The following GRID1 variants were observed in gnomAD, a reference collection of about 807,000 sequenced individuals.
GRID1 encodes the protein glutamate receptor ionotropic, delta-1.
GRID1 carries 28 observed loss-of-function variants against 98.0 expected under a neutral mutation model. That is an observed-to-expected ratio of 0.29 (90% CI 0.21 to 0.39). The LOEUF is 0.39. Among genes scored for constraint, GRID1 ranks in the 10% least tolerant of loss-of-function variants. The probability of loss-of-function intolerance (pLI) is 1.00; values close to 1 mark genes in which losing one functional copy is unlikely to be tolerated. For synonymous variants in GRID1, 553 were observed against 538.5 expected, an observed-to-expected ratio of 1.03 and a Z score of -0.37; for missense variants, 1,111 against 1,340.5, an observed-to-expected ratio of 0.83 and a Z score of 2.67.
At chr10:86,181,103 G>A (rs1180402205) in intron 3 of GRID1, among the ~76,000 whole-genome samples, 1 of 152,180 alleles carries the variant, frequency 6.6e-6, no homozygotes, top group Non-Finnish European at 1.5e-5. Context: ...AACCATGCAG[G>A]TGTGCAGAGC....
At chr10:85,693,673 A>T (rs1243477417) in intron 12 of GRID1, among the ~76,000 whole-genome samples, 2 of 152,182 alleles carry the variant, frequency 1.3e-5, no homozygotes, top group Non-Finnish European at 2.9e-5. Context: ...CAACAAAAAC[A>T]TGCACTGGGG....
At chr10:85,810,478 T>G (rs529267582) in intron 8 of GRID1, among the ~76,000 whole-genome samples, 2 of 152,246 alleles carry the variant, frequency 1.3e-5, no homozygotes, top group African/African-American at 4.8e-5. Flanking sequence ...TGGCCAGAGT[T>G]GGAGAAACAG....
At chr10:86,167,026 CA>C (rs1845408779) in intron 3 of GRID1, among the ~76,000 whole-genome samples, 1 of 152,238 alleles carries the variant, frequency 6.6e-6, no homozygotes, top group African/African-American at 2.4e-5. Flanking sequence ...GAGCACCCCC[CA>C]CCCAGCCCAG....
chr10:85,810,134 A>G (rs1842657776), intron 8 of GRID1, among the ~76,000 whole-genome samples: 1 of 140,124 alleles, frequency 7.1e-6, no homozygotes, highest in Admixed American at 7.1e-5. Flanking sequence ...TTCCACCCAC[A>G]TGGGTGGCTG....
intron 2 of GRID1, among the ~76,000 whole-genome samples, chr10:86,265,142 C>T (rs1424660080): frequency 6.6e-6 from 1 of 152,006 alleles, no homozygotes; most frequent in East Asian, 1.9e-4. Context: ...GAGTGGCCCA[C>T]CCTGCCCGGC....
At chr10:86,085,576 C>A (rs902397278) in intron 4 of GRID1, among the ~76,000 whole-genome samples, 2 of 152,148 alleles carry the variant, frequency 1.3e-5, no homozygotes, top group Non-Finnish European at 2.9e-5. Flanking sequence ...TCCTGCCTGA[C>A]CCCTAGGAAC....
At chr10:86,348,501 G>A (rs188298559) in intron 2 of GRID1, among the ~76,000 whole-genome samples, 31 of 152,352 alleles carry the variant, frequency 2.0e-4, no homozygotes, top group Admixed American at 6.5e-4. Flanking sequence ...AGACCACGAG[G>A]ACTTGAATGC....
intron 4 of GRID1, among the ~76,000 whole-genome samples, chr10:86,138,355 AT>A (rs1315903327): frequency 2.6e-5 from 4 of 152,366 alleles, no homozygotes; most frequent in African/African-American, 9.6e-5. Context: ...TGCCAAAAAA[AT>A]AAGAACATCT....
chr10:86,038,795 G>A (rs1193526624), intron 4 of GRID1, among the ~76,000 whole-genome samples: 2 of 152,166 alleles, frequency 1.3e-5, no homozygotes, highest in Non-Finnish European at 2.9e-5. Flanking sequence ...ATTGTGTGTT[G>A]GCTAAAGTGA....
At chr10:86,356,364 G>T (rs1462330919) in intron 2 of GRID1, among the ~76,000 whole-genome samples, 1 of 152,226 alleles carries the variant, frequency 6.6e-6, no homozygotes, top group Non-Finnish European at 1.5e-5. Flanking sequence ...AGCCATGAAT[G>T]GTAAAGAGGC....
chr10:86,061,050 C>G (rs1843641447), intron 4 of GRID1, among the ~76,000 whole-genome samples: 1 of 152,168 alleles, frequency 6.6e-6, no homozygotes, highest in African/African-American at 2.4e-5. Flanking sequence ...CTCACCTTGG[C>G]CCCCATGGCA....
intron 4 of GRID1, among the ~76,000 whole-genome samples, chr10:86,106,881 A>G (rs1334752570): frequency 6.6e-6 from 1 of 151,978 alleles, no homozygotes; most frequent in East Asian, 1.9e-4. Context: ...GAGGTGAAGG[A>G]GCCCAGGGGT....
chr10:85,864,481 A>G (rs1160412981), intron 6 of GRID1, among the ~76,000 whole-genome samples: 1 of 152,270 alleles, frequency 6.6e-6, no homozygotes, highest in African/African-American at 2.4e-5. Flanking sequence ...AGTTGCAGCC[A>G]AGGAGAACAC....
chr10:85,791,715 T>C (rs1323779788), intron 8 of GRID1, among the ~76,000 whole-genome samples: 1 of 152,056 alleles, frequency 6.6e-6, no homozygotes, highest in African/African-American at 2.4e-5. Flanking sequence ...GATTAATAGT[T>C]CAGGCAAATA....
chr10:86,222,542 A>C (rs1010844494), intron 2 of GRID1, among the ~76,000 whole-genome samples: 1 of 152,078 alleles, frequency 6.6e-6, no homozygotes, highest in Non-Finnish European at 1.5e-5. Context: ...CTTAGGGGCC[A>C]CCCAGCAGCT....
In GRID1 at chr10:85,810,504, T is replaced by C. The variant is rs1335171216; in HGVS notation, c.1233+43992A>G. On this transcript the variant is annotated intron_variant, in intron 8 of 15. Transcript: ENST00000327946. ...GGAGAAACAGTCTAGCAGACCTGAC[T>C]CTAGCAGAGAAGGCCCCAAAGCAGA... is the stretch of plus-strand genomic sequence containing the variant. Among the ~76,000 whole-genome samples, 6 of 152,122 alleles carry C rather than the reference T, an allele frequency of 3.9e-5. 1 individual carries two copies. Among genetic ancestry groups the C allele is most frequent in the Non-Finnish European group, 7.4e-5 (5 of 68,002 alleles).
chr10:86,106,530 G>T (rs2131948597), intron 4 of GRID1, among the ~76,000 whole-genome samples: 1 of 151,856 alleles, frequency 6.6e-6, no homozygotes, highest in South Asian at 2.1e-4. Flanking sequence ...CAGGTGTGGG[G>T]ATGGGAGAAT....
chr10:86,342,518 A>G (rs1334261291), intron 2 of GRID1, among the ~76,000 whole-genome samples: 1 of 152,226 alleles, frequency 6.6e-6, no homozygotes, highest in Non-Finnish European at 1.5e-5. Flanking sequence ...AGCCCAACCC[A>G]GTTAAGGGGC....
intron 3 of GRID1, among the ~76,000 whole-genome samples, chr10:86,150,166 GCTT>G (rs1845143672): frequency 6.6e-6 from 1 of 152,196 alleles, no homozygotes; most frequent in African/African-American, 2.4e-5. Context: ...TTCCCCACAA[GCTT>G]CTTTCCTGCA....
Sources: allele counts gnomAD v4.1 joint callset (sites outside exome capture counted in the v4.1 genomes callset), GRCh38; gene constraint gnomAD v4.1.1; transcripts MANE v1.5; gene names NCBI Gene and HGNC (gene_info 2026-07-23, HGNC 2026-07-21).